MTA3: variants seen among roughly 807,000 people sequenced by gnomAD.
MTA3 encodes the protein metastasis associated 1 family member 3, also known as metastasis-associated protein MTA3.
In MTA3, 34 loss-of-function variants were observed where a neutral mutation model predicts 83.5. That is an observed-to-expected ratio of 0.41 (90% CI 0.31 to 0.54). MTA3 has a LOEUF of 0.54. Ranked by LOEUF, MTA3 falls within the 20% of genes least tolerant of loss-of-function variation. The pLI is 0.33. For synonymous variants in MTA3, 303 were observed against 252.7 expected, an observed-to-expected ratio of 1.20 and a Z score of -1.89; for missense variants, 761 against 726.4, an observed-to-expected ratio of 1.05 and a Z score of -0.55.
intron 6 of MTA3, among the ~76,000 whole-genome samples, chr2:42,652,490 T>G (rs1024457169): frequency 6.6e-6 from 1 of 152,120 alleles, no homozygotes; most frequent in Non-Finnish European, 1.5e-5. Flanking sequence ...GGTGAAATAT[T>G]CTGGTTTTAC....
chr2:42,695,665 A>AG, intron 9 of MTA3, 100 bp from the exon 10 acceptor site: 2 of 374,046 alleles, frequency 5.3e-6, no homozygotes, highest in Non-Finnish European at 9.7e-6. Flanking sequence ...AAAAAAAGAA[A>AG]GTGGTGGTTT....
At chr2:42,672,758 G>A (rs1297291548) in intron 8 of MTA3, among the ~76,000 whole-genome samples, 2 of 151,344 alleles carry the variant, frequency 1.3e-5, no homozygotes, top group East Asian at 3.9e-4. Flanking sequence ...CTAAGCCTTA[G>A]CAAGTTTGTT....
At chr2:42,542,197 C>G (rs917911219) in intron 2 of MTA3, among the ~76,000 whole-genome samples, 1 of 152,188 alleles carries the variant, frequency 6.6e-6, no homozygotes, top group Non-Finnish European at 1.5e-5. Context: ...GGGGTCTTCC[C>G]GTACGCCAGT....
At chr2:42,514,987 G>A (rs187567236) in intron 2 of MTA3, among the ~76,000 whole-genome samples, 4 of 151,512 alleles carry the variant, frequency 2.6e-5, no homozygotes, top group African/African-American at 7.3e-5. Flanking sequence ...CACTATGACC[G>A]GCCTAAACTT....
chr2:42,672,811 G>T (rs1690944043), intron 8 of MTA3, among the ~76,000 whole-genome samples: 1 of 150,858 alleles, frequency 6.6e-6, no homozygotes, highest in Admixed American at 6.6e-5. Context: ...AGCAAAAATT[G>T]AAAGTAGATG....
At chr2:42,708,811 C>CAAACAA in intron 13 of MTA3, 63 bp from the exon 14 acceptor site, 1 of 1,550,740 alleles carries the variant, frequency 6.4e-7, no homozygotes, top group South Asian at 1.2e-5. Flanking sequence ...GAGCATGATG[C>CAAACAA]AAACAGTAAC....
At chr2:42,520,584 T>A (rs1675379533) in intron 2 of MTA3, among the ~76,000 whole-genome samples, 1 of 150,824 alleles carries the variant, frequency 6.6e-6, no homozygotes, top group Non-Finnish European at 1.5e-5. Flanking sequence ...TGTTCCTCCT[T>A]TTTTTTTTCT....
intron 1 of MTA3, 52 bp from the exon 2 acceptor site, chr2:42,570,385 A>T: frequency 1.7e-6 from 2 of 1,191,446 alleles, no homozygotes; most frequent in Non-Finnish European, 2.4e-6. Flanking sequence ...TGGATTGACA[A>T]ATCTGAACTT....
Position 42,753,448 on chromosome 2 carries a change from T to C in MTA3, c.*49T>C, listed in dbSNP as rs1412461356. 6.5e-7 allele frequency: 1 copy of C among 1,550,192 alleles called. No homozygotes were observed. Among genetic ancestry groups the C allele is most frequent in the African/African-American group, 1.4e-5 (1 of 73,040 alleles). ...TCCAAGACTTGCTGCACTGTCCTGCTGATGTTCACAGCCGTGCCTGGGAAG... is the reference window on the plus strand; with the variant it reads ...TCCAAGACTTGCTGCACTGTCCTGCCGATGTTCACAGCCGTGCCTGGGAAG... On this transcript the variant is annotated 3_prime_UTR_variant, in exon 17 of 17. Transcript: ENST00000405094.
At chr2:42,588,862 T>G (rs1369079311) in intron 3 of MTA3, among the ~76,000 whole-genome samples, 1 of 151,782 alleles carries the variant, frequency 6.6e-6, no homozygotes, top group Non-Finnish European at 1.5e-5. Context: ...TATAAAGAGA[T>G]TTTTTTTGCA....
intron 4 of MTA3, among the ~76,000 whole-genome samples, chr2:42,613,217 C>G (rs1217367530): frequency 1.3e-5 from 2 of 152,106 alleles, no homozygotes; most frequent in Non-Finnish European, 2.9e-5. Flanking sequence ...GCTTAGGGAG[C>G]TTAATAAGTG....
chr2:42,617,018 CAG>C (rs983204955), intron 4 of MTA3, among the ~76,000 whole-genome samples: 7 of 152,158 alleles, frequency 4.6e-5, no homozygotes, highest in African/African-American at 1.7e-4. Flanking sequence ...GAATACTAGA[CAG>C]AGAATAGGAA....
chr2:42,712,374 T>A, intron 14 of MTA3, among the ~76,000 whole-genome samples: 1 of 152,050 alleles, frequency 6.6e-6, no homozygotes, highest in East Asian at 1.9e-4. Context: ...CATAGCTCAG[T>A]GCAGCCTTGA....
intron 2 of MTA3, among the ~76,000 whole-genome samples, chr2:42,571,653 A>G (rs958640610): frequency 6.6e-6 from 1 of 152,114 alleles, no homozygotes; most frequent in Admixed American, 6.6e-5. Flanking sequence ...CATAATATTG[A>G]AAGGAATTGG....
At position 42,659,853 on chromosome 2, in the gene MTA3, C is replaced by A. The variant is rs1204722776; in HGVS notation, c.693C>A (p.Asp231Glu). ...TGAGTGCTGCTGCAGCTTCCCGAGA[C>A]ATCACCTTGGTAAGACATGGTTTGA... ...LHMSAAAASR[D>E]ITLFHAMDTL... The change falls in exon 8 of 17, where the codon GAC (aspartate) becomes GAA (glutamate). Residue 231 changes from aspartate (D) to glutamate (E), a missense_variant. Transcript: ENST00000405094. The A allele has an allele frequency of 6.2e-7, 1 of 1,600,636 alleles. No homozygotes were observed. The highest frequency in any genetic ancestry group is 1.1e-5 in the South Asian group (1 of 88,444).
chr2:42,570,126 T>G (rs1419213938), intron 1 of MTA3, among the ~76,000 whole-genome samples: 1 of 152,180 alleles, frequency 6.6e-6, no homozygotes, highest in Non-Finnish European at 1.5e-5. Context: ...GACACATGTT[T>G]AGCGTGCCCT....
At chr2:42,647,151 T>C (rs1457175893) in intron 6 of MTA3, among the ~76,000 whole-genome samples, 1 of 11,410 alleles carries the variant, frequency 8.8e-5, no homozygotes. Flanking sequence ...AGTGAGACTC[T>C]GTCTAAAAAA....
chr2:42,512,729 A>T (rs1674960840), intron 2 of MTA3, among the ~76,000 whole-genome samples: 2 of 152,192 alleles, frequency 1.3e-5, no homozygotes, highest in African/African-American at 4.8e-5. Context: ...ATGTCAAGGG[A>T]TTAGAAAACA....
intron 2 of MTA3, among the ~76,000 whole-genome samples, chr2:42,512,365 T>C (rs1173639123): frequency 6.6e-6 from 1 of 152,204 alleles, no homozygotes; most frequent in Non-Finnish European, 1.5e-5. Context: ...TGTAACTCCA[T>C]GCTGCCATGT....
Sources: allele counts gnomAD v4.1 joint callset (sites outside exome capture counted in the v4.1 genomes callset), GRCh38; gene constraint gnomAD v4.1.1; transcripts MANE v1.5; gene names NCBI Gene and HGNC (gene_info 2026-07-23, HGNC 2026-07-21).